SGCZ: variants seen among roughly 807,000 people sequenced by gnomAD.
SGCZ encodes the protein zeta-sarcoglycan.
A neutral mutation model predicts 41.3 loss-of-function variants in SGCZ; 40 were observed. The ratio of observed to expected loss-of-function variants is 0.97; its 90% CI spans 0.75 to 1.26. The LOEUF (loss-of-function observed/expected upper bound fraction) is 1.26. Ranked by LOEUF, SGCZ falls within the 50% of genes most tolerant of loss-of-function variation. The pLI is 0.00. For missense variants in SGCZ, 552 were observed against 369.8 expected (o/e 1.49, Z -4.04); for synonymous variants, 206 against 137.5 (o/e 1.50, Z -3.49).
In SGCZ at chr8:14,570,678, A is replaced by G. The variant is rs7017631; in HGVS notation, c.40-15752T>C. ...AAGAATTTAAATCAGAGAACAAAGTACTGAAAAATGCATACCTCCAGATTT... is the reference window on the plus strand; with the variant it reads ...AAGAATTTAAATCAGAGAACAAAGTGCTGAAAAATGCATACCTCCAGATTT... On this transcript the variant is annotated intron_variant, in intron 1 of 7. Transcript: ENST00000382080. Among the ~76,000 whole-genome samples the G allele has an allele frequency of 8.1e-3, 1,233 of 152,320 alleles. 10 individuals are homozygous for G. Among genetic ancestry groups the G allele is most frequent in the African/African-American group, 0.028 (1,178 of 41,584 alleles).
chr8:14,313,022 C>G, intron 3 of SGCZ, among the ~76,000 whole-genome samples: 1 of 152,102 alleles, frequency 6.6e-6, no homozygotes, highest in East Asian at 1.9e-4. Flanking sequence ...AGGATCAAAG[C>G]TTGACAGACC....
intron 1 of SGCZ, among the ~76,000 whole-genome samples, chr8:14,882,008 A>C (rs1352516940): frequency 6.6e-6 from 1 of 152,224 alleles, no homozygotes; most frequent in Non-Finnish European, 1.5e-5. Flanking sequence ...CAGACATCAA[A>C]AAGTTCATTG....
At chr8:14,634,343 A>G (rs1006036930) in intron 1 of SGCZ, among the ~76,000 whole-genome samples, 3 of 151,554 alleles carry the variant, frequency 2.0e-5, no homozygotes, top group Non-Finnish European at 4.4e-5. Flanking sequence ...TACTGGTTTC[A>G]TTTTCTTTGT....
intron 1 of SGCZ, among the ~76,000 whole-genome samples, chr8:15,203,124 C>CA (rs141894657): frequency 1.1e-3 from 164 of 150,122 alleles, no homozygotes; most frequent in Admixed American, 2.7e-3. Context: ...AACAAACAAA[C>CA]AAAAAAAAAC....
chr8:15,194,788 A>G (rs1800666973), intron 1 of SGCZ, among the ~76,000 whole-genome samples: 1 of 151,938 alleles, frequency 6.6e-6, no homozygotes. Flanking sequence ...TTCAGAAAGC[A>G]GCCCTGCTGA....
chr8:14,871,952 A>G (rs996384605), intron 1 of SGCZ, among the ~76,000 whole-genome samples: 1 of 151,762 alleles, frequency 6.6e-6, no homozygotes, highest in African/African-American at 2.4e-5. Context: ...GTATATATAT[A>G]TATAGGACAT....
intron 2 of SGCZ, among the ~76,000 whole-genome samples, chr8:14,326,550 G>T (rs1032094682): frequency 5.3e-5 from 8 of 152,064 alleles, no homozygotes; most frequent in Non-Finnish European, 8.8e-5. Context: ...GAAAGTAAGA[G>T]ATTTGGGTTA....
At chr8:14,235,661 G>T (rs537940013) in intron 4 of SGCZ, among the ~76,000 whole-genome samples, 13 of 152,200 alleles carry the variant, frequency 8.5e-5, no homozygotes, top group African/African-American at 3.1e-4. Flanking sequence ...CTGACAGTGG[G>T]CATGGGTATA....
At chr8:14,874,426 A>G (rs912691283) in intron 1 of SGCZ, among the ~76,000 whole-genome samples, 1 of 152,138 alleles carries the variant, frequency 6.6e-6, no homozygotes, top group Non-Finnish European at 1.5e-5. Context: ...TAACTTTATC[A>G]AGAAAATATG....
chr8:14,449,746 A>C (rs1004628203), intron 2 of SGCZ, among the ~76,000 whole-genome samples: 7 of 152,118 alleles, frequency 4.6e-5, no homozygotes, highest in African/African-American at 1.4e-4. Flanking sequence ...ACCAGATGCT[A>C]ATTGTGGCCA....
At chr8:14,527,542 CT>C (rs145415198) in intron 2 of SGCZ, among the ~76,000 whole-genome samples, 5,532 of 151,236 alleles carry the variant, frequency 0.037, 336 homozygotes, top group African/African-American at 0.13. Context: ...AAATATTCAC[CT>C]TTTTTTAAAA....
At chr8:14,252,216 T>C (rs1799314247) in intron 3 of SGCZ, among the ~76,000 whole-genome samples, 1 of 152,182 alleles carries the variant, frequency 6.6e-6, no homozygotes, top group African/African-American at 2.4e-5. Flanking sequence ...GCTTATGGCT[T>C]CATATCTTGT....
chr8:14,481,538 G>C (rs1488496604), intron 2 of SGCZ, among the ~76,000 whole-genome samples: 1 of 151,970 alleles, frequency 6.6e-6, no homozygotes, highest in Non-Finnish European at 1.5e-5. Flanking sequence ...AATTCCTTTA[G>C]ACCCCATTAT....
chr8:14,956,577 G>A (rs1018787334), intron 1 of SGCZ, among the ~76,000 whole-genome samples: 1 of 151,864 alleles, frequency 6.6e-6, no homozygotes, highest in Non-Finnish European at 1.5e-5. Context: ...ATAAGAGACA[G>A]ACAAAAACAC....
At chr8:14,293,930 G>C (rs968280153) in intron 3 of SGCZ, among the ~76,000 whole-genome samples, 1 of 151,658 alleles carries the variant, frequency 6.6e-6, no homozygotes, top group Non-Finnish European at 1.5e-5. Context: ...ATCAATTTTA[G>C]TGGTATCAAG....
chr8:14,127,931 G>A (rs1426982662), intron 5 of SGCZ, among the ~76,000 whole-genome samples: 1 of 151,946 alleles, frequency 6.6e-6, no homozygotes, highest in African/African-American at 2.4e-5. Flanking sequence ...ACCTCCCCCC[G>A]CATCAAGTAG....
At chr8:14,962,009 A>G (rs894430903) in intron 1 of SGCZ, among the ~76,000 whole-genome samples, 7 of 152,130 alleles carry the variant, frequency 4.6e-5, no homozygotes, top group African/African-American at 1.7e-4. Flanking sequence ...CATATGTATC[A>G]TTTTCCAATT....
intron 5 of SGCZ, among the ~76,000 whole-genome samples, chr8:14,126,392 C>G (rs1802860649): frequency 6.6e-6 from 1 of 152,140 alleles, no homozygotes; most frequent in Non-Finnish European, 1.5e-5. Flanking sequence ...CTCAACATCA[C>G]TGATTAGAGA....
chr8:14,594,884 A>G (rs949147387), intron 1 of SGCZ, among the ~76,000 whole-genome samples: 1 of 151,910 alleles, frequency 6.6e-6, no homozygotes, highest in Admixed American at 6.6e-5. Context: ...CTGTGTCTCT[A>G]TTACAGAGAC....
Sources: allele counts gnomAD v4.1 joint callset (sites outside exome capture counted in the v4.1 genomes callset), GRCh38; gene constraint gnomAD v4.1.1; transcripts MANE v1.5; gene names NCBI Gene and HGNC (gene_info 2026-07-23, HGNC 2026-07-21).